The following FOXP1 variants were observed in gnomAD, a reference collection of about 807,000 sequenced individuals.
The protein encoded by FOXP1 is forkhead box protein P1.
FOXP1 carries 15 observed loss-of-function variants against 98.2 expected under a neutral mutation model. That is an observed-to-expected ratio of 0.15 (90% CI 0.10 to 0.24). FOXP1 has a LOEUF of 0.24. Among genes scored for constraint, FOXP1 ranks in the 10% least tolerant of loss-of-function variants. The pLI is 1.00. For synonymous variants in FOXP1, 371 were observed against 314.5 expected (o/e 1.18, Z -1.90); for missense variants, 633 against 848.5 (o/e 0.75, Z 3.15).
At chr3:71,524,104 GCACAGCAAACA>G (rs2107478941) in intron 2 of FOXP1, among the ~76,000 whole-genome samples, 1 of 152,244 alleles carries the variant, frequency 6.6e-6, no homozygotes, top group East Asian at 1.9e-4. Flanking sequence ...TTTCCAGAAG[GCACAGCAAACA>G]CATTTGTTTC....
chr3:71,530,857 A>T lies in FOXP1; in HGVS notation c.-297-37302T>A, dbSNP rs537506652. Among the ~76,000 whole-genome samples the T allele has an allele frequency of 9.0e-4, 137 of 152,308 alleles. 2 individuals are homozygous for T. The highest frequency in any genetic ancestry group is 1.5e-3 in the Non-Finnish European group (100 of 68,028). On this transcript the variant is annotated intron_variant, in intron 2 of 20. Coordinates refer to ENST00000649528, the MANE Select transcript of FOXP1 (RefSeq NM_001349338.3). ...ACAGCCTGTATGGAGGGGTCAATGA[A>T]AACCTGAAGAAAACTACCCCCCAAC... is the stretch of plus-strand genomic sequence containing the variant.
At chr3:71,086,155 C>T (rs1378105444) in intron 7 of FOXP1, among the ~76,000 whole-genome samples, 2 of 152,192 alleles carry the variant, frequency 1.3e-5, no homozygotes, top group East Asian at 3.9e-4. Flanking sequence ...GCTGAAAATT[C>T]TAGCATTGGA....
At chr3:70,985,013 C>G (rs562088861) in intron 14 of FOXP1, among the ~76,000 whole-genome samples, 2 of 152,302 alleles carry the variant, frequency 1.3e-5, no homozygotes, top group South Asian at 4.1e-4. Flanking sequence ...ACTTAACACC[C>G]AAATGGCATT....
At chr3:71,430,153 C>T (rs192638819) in intron 3 of FOXP1, among the ~76,000 whole-genome samples, 1 of 152,246 alleles carries the variant, frequency 6.6e-6, no homozygotes, top group East Asian at 1.9e-4. Flanking sequence ...TTTTTACAGG[C>T]TCCCTCCTGA....
intron 2 of FOXP1, among the ~76,000 whole-genome samples, chr3:71,553,680 C>A (rs978078175): frequency 1.3e-5 from 2 of 152,220 alleles, no homozygotes; most frequent in East Asian, 3.9e-4. Context: ...AGAGTCTGAA[C>A]AACATGTAAC....
intron 4 of FOXP1, among the ~76,000 whole-genome samples, chr3:71,341,673 TG>T (rs2077016217): frequency 6.6e-6 from 1 of 152,148 alleles, no homozygotes; most frequent in South Asian, 2.1e-4. Flanking sequence ...CACTCCAGCC[TG>T]GGCAACAGAG....
At chr3:71,423,163 A>T (rs1393954224) in intron 3 of FOXP1, among the ~76,000 whole-genome samples, 1 of 152,190 alleles carries the variant, frequency 6.6e-6, no homozygotes, top group Non-Finnish European at 1.5e-5. Flanking sequence ...CAAAGCTCTC[A>T]CTGAGGGTGA....
rs56332143 is a variant in FOXP1, at chr3:71,328,990, C to CA, written c.-72-29111dup. Among the ~76,000 whole-genome samples, 306 of 59,070 alleles carry CA rather than the reference C, an allele frequency of 5.2e-3. 4 individuals carry two copies. Among genetic ancestry groups the CA allele is most frequent in the African/African-American group, 0.013 (288 of 22,526 alleles). The allele number at this position is 59,070 out of a possible 152,430, so 38.8% of individuals were successfully genotyped here. On this transcript the variant is annotated intron_variant, in intron 4 of 20. Transcript: ENST00000649528. The stretch of plus-strand genomic sequence containing the variant: ...CCATCTCGCTAAAAAAAAAAAAAAA[C>CA]AAAAAAAAAAAAACTGACAGTTTCA...
intron 5 of FOXP1, among the ~76,000 whole-genome samples, chr3:71,200,317 C>T (rs2063590107): frequency 6.6e-6 from 1 of 152,148 alleles, no homozygotes; most frequent in African/African-American, 2.4e-5. Flanking sequence ...AGGTGATTTA[C>T]ACATATTCTC....
chr3:71,309,433 C>T (rs572682638), intron 4 of FOXP1, among the ~76,000 whole-genome samples: 1 of 149,462 alleles, frequency 6.7e-6, no homozygotes, highest in Non-Finnish European at 1.5e-5. Context: ...TTTCAAAGTA[C>T]TCTGACAAAA....
chr3:71,190,498 G>A (rs536739294), intron 6 of FOXP1, among the ~76,000 whole-genome samples: 99 of 151,458 alleles, frequency 6.5e-4, no homozygotes, highest in Non-Finnish European at 1.0e-3. Flanking sequence ...CTGGCCTGCC[G>A]TCCCAGCAAC....
chr3:71,292,811 T>C (rs139323516), intron 5 of FOXP1, among the ~76,000 whole-genome samples: 35 of 152,306 alleles, frequency 2.3e-4, no homozygotes, highest in African/African-American at 8.2e-4. Flanking sequence ...GTTTTTCCTT[T>C]TTCTTCCCGA....
chr3:71,442,893 TTTTA>T (rs943750388), intron 3 of FOXP1, among the ~76,000 whole-genome samples: 1 of 152,148 alleles, frequency 6.6e-6, no homozygotes, highest in Non-Finnish European at 1.5e-5. Context: ...TTTATTTTTT[TTTTA>T]TTTTTTTGAG....
chr3:71,096,061 C>T (rs1184560759), intron 7 of FOXP1, among the ~76,000 whole-genome samples: 2 of 152,144 alleles, frequency 1.3e-5, no homozygotes, highest in Non-Finnish European at 2.9e-5. Flanking sequence ...CATAAATTTA[C>T]ACAAAGGCAA....
chr3:71,163,496 A>C lies in FOXP1; in HGVS notation c.180+34706T>G, dbSNP rs541451484. Among the ~76,000 whole-genome samples the C allele has an allele frequency of 2.6e-5, 4 of 152,322 alleles. No individual in the cohort carries two copies. The South Asian group carries it at 8.3e-4, about 32-fold the overall frequency. ...TATATAAGCTTTCCTCCAGCACTGA[A>C]AAATTTTATTAACTCTCTTGCATAG... is the stretch of plus-strand genomic sequence containing the variant. On this transcript the variant is annotated intron_variant, in intron 6 of 20. Coordinates refer to ENST00000649528, the MANE Select transcript of FOXP1 (RefSeq NM_001349338.3).
chr3:71,264,709 C>A (rs1240473532), intron 5 of FOXP1, among the ~76,000 whole-genome samples: 2 of 152,288 alleles, frequency 1.3e-5, no homozygotes, highest in East Asian at 3.9e-4. Context: ...TCCATTCAAC[C>A]ATTATCACCC....
chr3:71,104,349 T>C (rs17008212), intron 7 of FOXP1, among the ~76,000 whole-genome samples: 7,453 of 152,252 alleles, frequency 0.049, 636 homozygotes, highest in African/African-American at 0.17. Flanking sequence ...ATAGGCTTGA[T>C]AGCAAGACCT....
At chr3:71,073,716 G>A (rs1387272440) in intron 7 of FOXP1, among the ~76,000 whole-genome samples, 3 of 152,170 alleles carry the variant, frequency 2.0e-5, no homozygotes, top group Non-Finnish European at 4.4e-5. Context: ...GAGAGCATTG[G>A]TGTGAATATT....
At chr3:71,137,789 T>C (rs574093480) in intron 6 of FOXP1, among the ~76,000 whole-genome samples, 54 of 35,388 alleles carry the variant, frequency 1.5e-3, no homozygotes, top group African/African-American at 1.8e-3. Context: ...TATTTATTTA[T>C]TTATTATTAT....
Sources: gnomAD v4.1 joint callset for allele counts (sites outside exome capture counted in the v4.1 genomes callset) on GRCh38, gnomAD v4.1.1 for gene constraint, MANE v1.5 for transcripts, NCBI Gene and HGNC (gene_info 2026-07-23, HGNC 2026-07-21) for gene names.